The following TSNARE1 variants were observed in gnomAD, a reference collection of about 807,000 sequenced individuals.
The protein encoded by TSNARE1 is t-SNARE domain-containing protein 1.
In TSNARE1, 49 loss-of-function variants were observed where a neutral mutation model predicts 62.0. That is an observed-to-expected ratio of 0.79 (90% CI 0.63 to 1.00). The LOEUF (loss-of-function observed/expected upper bound fraction) is 1.00. Ranked by LOEUF, TSNARE1 falls within the 50% of genes least tolerant of loss-of-function variation. The pLI is 0.00. For synonymous variants in TSNARE1, 328 were observed against 294.4 expected, an observed-to-expected ratio of 1.11 and a Z score of -1.17; for missense variants, 755 against 700.1, an observed-to-expected ratio of 1.08 and a Z score of -0.88.
chr8:142,216,054 CAGAT>C (rs1815816976), intron 13 of TSNARE1, among the ~76,000 whole-genome samples: 5 of 152,132 alleles, frequency 3.3e-5, no homozygotes, highest in African/African-American at 1.2e-4. Flanking sequence ...TGTGATGGGG[CAGAT>C]CTGAGGGGGA....
Position 142,387,568 on chromosome 8 carries a change from T to A in TSNARE1, c.-40+15536A>T, listed in dbSNP as rs79047732. Among the ~76,000 whole-genome samples, 1,124 of 151,856 alleles carry A rather than the reference T, an allele frequency of 7.4e-3. 7 individuals carry two copies. Among genetic ancestry groups the A allele is most frequent in the Middle Eastern group, 0.034 (10 of 294 alleles). On this transcript the variant is annotated intron_variant, in intron 1 of 13. Coordinates refer to ENST00000524325, the MANE Select transcript of TSNARE1 (RefSeq NM_145003.5). Reference sequence around the variant, plus strand: ...ACAAGAGAAGCAACCGAGACGGAAATAACCGCAGAAACCAAAGATATTAAA... The same window carrying A: ...ACAAGAGAAGCAACCGAGACGGAAAAAACCGCAGAAACCAAAGATATTAAA...
chr8:142,336,666 C>T lies in TSNARE1; in HGVS notation c.746-4835G>A, dbSNP rs190447818. Among the ~76,000 whole-genome samples the T allele has an allele frequency of 3.3e-5, 5 of 152,328 alleles. No homozygotes were observed. The East Asian group carries it at 9.6e-4, about 29-fold the overall frequency. ...AGCAGACACAAGAGCATAGAGGCCA[C>T]AGAAACTCCAACACCATCAACCAGC... On this transcript the variant is annotated intron_variant, in intron 4 of 13. Transcript: ENST00000524325.
intron 2 of TSNARE1, among the ~76,000 whole-genome samples, chr8:142,348,401 CG>C (rs1358011121): frequency 6.6e-6 from 1 of 152,172 alleles, no homozygotes; most frequent in Non-Finnish European, 1.5e-5. Context: ...CACCTCTGCC[CG>C]TGTGTCTATC....
intron 1 of TSNARE1, among the ~76,000 whole-genome samples, chr8:142,393,102 G>A (rs1837656762): frequency 6.6e-6 from 1 of 152,132 alleles, no homozygotes; most frequent in Admixed American, 6.5e-5. Context: ...TAAAGTAAAA[G>A]GTCATTAGAA....
intron 2 of TSNARE1, 31 bp downstream of exon 2, chr8:142,354,606 C>A: frequency 6.6e-7 from 1 of 1,517,484 alleles, no homozygotes; most frequent in Non-Finnish European, 9.1e-7. Flanking sequence ...ATCCCCTCCT[C>A]CCCGCCCCCA....
intron 1 of TSNARE1, 135 bp from the exon 2 acceptor site, chr8:142,354,898 C>T (rs892028803): frequency 1.5e-5 from 9 of 584,570 alleles, no homozygotes; most frequent in Admixed American, 6.1e-5. Flanking sequence ...CCCTAGGCTA[C>T]TCCAGGCTTC....
intron 10 of TSNARE1, among the ~76,000 whole-genome samples, chr8:142,287,657 TC>T (rs1367933708): frequency 1.6e-4 from 20 of 127,804 alleles, no homozygotes; most frequent in Non-Finnish European, 3.2e-4. Flanking sequence ...TGGGCTGCCC[TC>T]CAGGTCGTGG....
intron 1 of TSNARE1, among the ~76,000 whole-genome samples, chr8:142,399,222 G>C (rs1717678377): frequency 6.6e-6 from 1 of 152,246 alleles, no homozygotes; most frequent in Non-Finnish European, 1.5e-5. Context: ...GAAGCTTCCA[G>C]ATGGCTCCAC....
intron 1 of TSNARE1, among the ~76,000 whole-genome samples, chr8:142,396,823 T>C (rs1453140677): frequency 1.3e-5 from 2 of 152,198 alleles, no homozygotes; most frequent in Non-Finnish European, 2.9e-5. Flanking sequence ...GCCTGACAGA[T>C]GCCCTGTGGT....
chr8:142,282,085 G>A (rs758703401), intron 11 of TSNARE1, among the ~76,000 whole-genome samples: 1 of 152,222 alleles, frequency 6.6e-6, no homozygotes, highest in Non-Finnish European at 1.5e-5. Flanking sequence ...GAGGAACGCA[G>A]AGCTGAGGGC....
chr8:142,256,068 CA>C (rs1818507538), intron 12 of TSNARE1, among the ~76,000 whole-genome samples: 4 of 93,646 alleles, frequency 4.3e-5, no homozygotes, highest in African/African-American at 6.8e-5. Flanking sequence ...CCACCACCAT[CA>C]CCATCACCAC....
chr8:142,216,248 A>G (rs531094110), intron 13 of TSNARE1, among the ~76,000 whole-genome samples: 1 of 152,270 alleles, frequency 6.6e-6, no homozygotes, highest in South Asian at 2.1e-4. Context: ...AGCCTCAGCC[A>G]TATGGCACTG....
At chr8:142,337,719 C>A (rs1433434397) in intron 4 of TSNARE1, among the ~76,000 whole-genome samples, 2 of 152,258 alleles carry the variant, frequency 1.3e-5, no homozygotes, top group East Asian at 3.8e-4. Flanking sequence ...CGCAGCCCCA[C>A]CAACCACAGC....
intron 9 of TSNARE1, among the ~76,000 whole-genome samples, chr8:142,302,878 A>T (rs1826004808): frequency 6.6e-6 from 1 of 152,162 alleles, no homozygotes; most frequent in Non-Finnish European, 1.5e-5. Flanking sequence ...GCCTAGGGAC[A>T]GCACTGTCCA....
At chr8:142,252,858 T>C (rs1818242137) in intron 12 of TSNARE1, among the ~76,000 whole-genome samples, 1 of 151,884 alleles carries the variant, frequency 6.6e-6, no homozygotes, top group African/African-American at 2.4e-5. Flanking sequence ...CCATTTCCTC[T>C]GCACAATGGG....
At chr8:142,314,296 C>T in intron 9 of TSNARE1, 88 bp downstream of exon 9, 2 of 1,316,190 alleles carry the variant, frequency 1.5e-6, no homozygotes, top group South Asian at 1.3e-5. Context: ...GCCCTTGGCC[C>T]TCCCCGCCCT....
At chr8:142,288,740 G>A (rs1823241591) in intron 10 of TSNARE1, among the ~76,000 whole-genome samples, 2 of 152,254 alleles carry the variant, frequency 1.3e-5, no homozygotes, top group South Asian at 2.1e-4. Flanking sequence ...CTCACTGCTA[G>A]ACTCAGCAGA....
chr8:142,382,876 G>C (rs768725793), intron 1 of TSNARE1, among the ~76,000 whole-genome samples: 3 of 152,228 alleles, frequency 2.0e-5, no homozygotes, highest in Admixed American at 6.5e-5. Context: ...GAGTGGGCCC[G>C]GCCCTCGTCC....
intron 1 of TSNARE1, among the ~76,000 whole-genome samples, chr8:142,386,565 A>G (rs1432695299): frequency 6.6e-6 from 1 of 152,192 alleles, no homozygotes; most frequent in Non-Finnish European, 1.5e-5. Context: ...AGATTCCCCA[A>G]TTGAATTACA....
Sources: gnomAD v4.1 joint callset for allele counts (sites outside exome capture counted in the v4.1 genomes callset) on GRCh38, gnomAD v4.1.1 for gene constraint, MANE v1.5 for transcripts, NCBI Gene and HGNC (gene_info 2026-07-23, HGNC 2026-07-21) for gene names.